The following POU2F1 variants were observed in gnomAD, a reference collection of about 807,000 sequenced individuals.
POU2F1 encodes POU class 2 homeobox 1.
POU2F1 carries 16 observed loss-of-function variants against 84.9 expected under a neutral mutation model. The observed-to-expected ratio is 0.19, with a 90% CI of 0.13 to 0.29. POU2F1 has a LOEUF of 0.29. Ranked by LOEUF, POU2F1 falls within the 10% of genes least tolerant of loss-of-function variation. The pLI is 1.00. For synonymous variants in POU2F1, 368 were observed against 368.3 expected, an observed-to-expected ratio of 1.00 and a Z score of 0.01; for missense variants, 738 against 942.6, an observed-to-expected ratio of 0.78 and a Z score of 2.84.
intron 2 of POU2F1, among the ~76,000 whole-genome samples, chr1:167,343,375 A>C (rs2101761718): frequency 6.6e-6 from 1 of 152,282 alleles, no homozygotes; most frequent in East Asian, 1.9e-4. Context: ...TTTGTTTCTA[A>C]AATGCTGTTT....
intron 7 of POU2F1, chr1:167,379,936 T>TTA (rs1323822375): frequency 6.6e-6 from 1 of 152,208 alleles, no homozygotes; most frequent in Non-Finnish European, 1.5e-5. Flanking sequence ...ACTTCCAGAC[T>TTA]TTTATAAGAT....
intron 1 of POU2F1, among the ~76,000 whole-genome samples, chr1:167,287,171 G>T (rs944965958): frequency 6.6e-6 from 1 of 152,160 alleles, no homozygotes; most frequent in Non-Finnish European, 1.5e-5. Flanking sequence ...ACTGATGAAG[G>T]CTTGTCTTTC....
chr1:167,327,402 C>G (rs1162463906), intron 1 of POU2F1, among the ~76,000 whole-genome samples: 1 of 152,184 alleles, frequency 6.6e-6, no homozygotes, highest in African/African-American at 2.4e-5. Context: ...CAAAGTCTCT[C>G]CTCATAAGCA....
At position 167,221,653 on chromosome 1, in the gene POU2F1, C is replaced by T. The variant is rs148696422; in HGVS notation, c.61+695C>T. On this transcript the variant is annotated intron_variant, in intron 1 of 15. Transcript: ENST00000367866. ...GCCCGCGCCCCGCGCGGGGCTGAGC[C>T]CGGGGGTCACGGCCCCAGGCACTTC... is the stretch of plus-strand genomic sequence containing the variant. Among the ~76,000 whole-genome samples the T allele has an allele frequency of 4.1e-3, 615 of 151,078 alleles. 5 individuals are homozygous for T. The highest frequency in any genetic ancestry group is 0.014 in the African/African-American group (595 of 41,326).
chr1:167,237,746 GTATATATATATA>G (rs58988722), intron 1 of POU2F1, among the ~76,000 whole-genome samples: 67 of 73,000 alleles, frequency 9.2e-4, no homozygotes, highest in South Asian at 5.3e-3. Context: ...ATGTGTGTGT[GTATATATATATA>G]TATATATATA....
At chr1:167,268,560 A>G (rs554165833) in intron 1 of POU2F1, among the ~76,000 whole-genome samples, 2 of 152,264 alleles carry the variant, frequency 1.3e-5, no homozygotes, top group South Asian at 2.1e-4. Context: ...TGCACCCTAC[A>G]TGGTTTCTAT....
intron 15 of POU2F1, chr1:167,414,642 A>G: frequency 1.0e-6 from 1 of 985,402 alleles, no homozygotes; most frequent in Non-Finnish European, 1.2e-6. Flanking sequence ...AAGCAACAGC[A>G]TCATAGAAAA....
chr1:167,412,666 T>G (rs1650046943), intron 14 of POU2F1, among the ~76,000 whole-genome samples: 1 of 152,196 alleles, frequency 6.6e-6, no homozygotes, highest in African/African-American at 2.4e-5. Context: ...ATAAGAGATG[T>G]AATAGGAGTC....
chr1:167,389,779 T>TA lies in POU2F1; in HGVS notation c.987+19dup. On this transcript the variant is annotated intron_variant, in intron 9 of 15. Transcript: ENST00000367866. ...TCACTCAGGTAGGGTGAATTGGCCT[T>TA]ACATTGATTCCCCTCCTTGGCTGGG... 6.2e-7 allele frequency: 1 copy of TA among 1,608,216 alleles called. No individual in the cohort carries two copies. The highest frequency in any genetic ancestry group is 8.5e-7 in the Non-Finnish European group (1 of 1,176,788).
chr1:167,229,200 C>A (rs1213095357), intron 1 of POU2F1, among the ~76,000 whole-genome samples: 3 of 151,490 alleles, frequency 2.0e-5, no homozygotes, highest in Non-Finnish European at 4.4e-5. Flanking sequence ...TGGACAGTGC[C>A]ATGATCAGAG....
chr1:167,405,714 A>T (rs1424921186), intron 13 of POU2F1, among the ~76,000 whole-genome samples: 1 of 152,280 alleles, frequency 6.6e-6, no homozygotes, highest in South Asian at 2.1e-4. Context: ...GCCGTGAAGG[A>T]TATACAACAT....
chr1:167,236,030 A>G (rs567536872), intron 1 of POU2F1, among the ~76,000 whole-genome samples: 51 of 152,206 alleles, frequency 3.4e-4, no homozygotes, highest in Admixed American at 5.9e-4. Flanking sequence ...ACTGTTAACT[A>G]TTAGTCTTTT....
intron 1 of POU2F1, among the ~76,000 whole-genome samples, chr1:167,263,685 A>G (rs1324335720): frequency 1.3e-5 from 2 of 152,186 alleles, no homozygotes; most frequent in Admixed American, 6.5e-5. Context: ...TGGCTGCTGA[A>G]TAAAGTCCAG....
rs998715889 is a variant in POU2F1, at chr1:167,417,464, G to A, written c.*1654G>A. On this transcript the variant is annotated 3_prime_UTR_variant, in exon 16 of 16. Coordinates refer to ENST00000367866, the MANE Select transcript of POU2F1 (RefSeq NM_002697.4). ...AAAGGAAGAGTTTGTGAAAGTGGAT[G>A]AAGAGGAATAAGGGTAACTTGGAGA... The A allele has an allele frequency of 1.2e-4, 19 of 152,228 alleles. 1 individual carries two copies. The highest frequency in any genetic ancestry group is 4.6e-4 in the African/African-American group (19 of 41,454). 9.4% of individuals were successfully genotyped at this position (152,228 alleles called of 1,614,324 possible).
chr1:167,426,742 T>G lies in POU2F1; in HGVS notation c.*10932T>G, dbSNP rs556169057. On this transcript the variant is annotated 3_prime_UTR_variant, in exon 16 of 16. Coordinates refer to ENST00000367866, the MANE Select transcript of POU2F1 (RefSeq NM_002697.4). Reference sequence around the variant, plus strand: ...ACTTTAAAATGTGAGTTTGAGTTCTTCTTTGTGGAAACTTAAGATGTGGTG... The same window carrying G: ...ACTTTAAAATGTGAGTTTGAGTTCTGCTTTGTGGAAACTTAAGATGTGGTG... 3.6e-4 allele frequency: 55 copies of G among 152,368 alleles called. No homozygotes were observed. Among genetic ancestry groups the G allele is most frequent in the African/African-American group, 1.3e-3 (54 of 41,582 alleles). 9.4% of individuals were successfully genotyped at this position (152,368 alleles called of 1,614,324 possible).
chr1:167,269,303 G>T (rs190340947), intron 1 of POU2F1, among the ~76,000 whole-genome samples: 2 of 152,192 alleles, frequency 1.3e-5, no homozygotes, highest in East Asian at 1.9e-4. Flanking sequence ...TGTCAGTTAC[G>T]TTTGCAAAGG....
intron 1 of POU2F1, among the ~76,000 whole-genome samples, chr1:167,243,030 G>A (rs1392729044): frequency 6.7e-6 from 1 of 150,194 alleles, no homozygotes; most frequent in Non-Finnish European, 1.5e-5. Flanking sequence ...TGAATTTTCA[G>A]CAAGTGTCTA....
At chr1:167,312,222 C>T (rs1655543425) in intron 1 of POU2F1, among the ~76,000 whole-genome samples, 1 of 150,606 alleles carries the variant, frequency 6.6e-6, no homozygotes, top group Non-Finnish European at 1.5e-5. Context: ...AGGCGTGAGC[C>T]ACCGTGCCCA....
chr1:167,390,866 A>C (rs1474018493), intron 9 of POU2F1, among the ~76,000 whole-genome samples: 1 of 152,244 alleles, frequency 6.6e-6, no homozygotes, highest in Non-Finnish European at 1.5e-5. Context: ...ACAGGCATGC[A>C]AGCACAGGCA....
Sources: allele counts gnomAD v4.1 joint callset (sites outside exome capture counted in the v4.1 genomes callset), GRCh38; gene constraint gnomAD v4.1.1; transcripts MANE v1.5; gene names NCBI Gene and HGNC (gene_info 2026-07-23, HGNC 2026-07-21).